Variants in PRKCA observed in about 807,000 individuals in gnomAD.
PRKCA encodes protein kinase C alpha.
In PRKCA, 27 loss-of-function variants were observed where a neutral mutation model predicts 87.0. The observed-to-expected ratio is 0.31, with a 90% CI of 0.23 to 0.43. PRKCA has a LOEUF of 0.43. Among genes scored for constraint, PRKCA ranks in the 20% least tolerant of loss-of-function variants. The pLI, the probability that PRKCA is intolerant of heterozygous loss-of-function variation, is 1.00. For missense variants in PRKCA, 518 were observed against 852.3 expected (o/e 0.61, Z 4.88); for synonymous variants, 329 against 311.1 (o/e 1.06, Z -0.61).
At chr17:66,552,947 C>T (rs899885520) in intron 3 of PRKCA, among the ~76,000 whole-genome samples, 1 of 152,028 alleles carries the variant, frequency 6.6e-6, no homozygotes, top group South Asian at 2.1e-4. Context: ...TAAATCTAGA[C>T]AGCTAGAAGA....
rs548616572 is a variant in PRKCA at position 66,628,112 on chromosome 17, G to T, written c.289-13243G>T. On this transcript the variant is annotated intron_variant, in intron 3 of 16. Coordinates refer to ENST00000413366, the MANE Select transcript of PRKCA (RefSeq NM_002737.3). Reference sequence around the variant, plus strand: ...ACTGGTTACTGGCAAGCTTATTCCAGCAGGCTCAGCAAGCGTCCAGCACAA... The same window carrying T: ...ACTGGTTACTGGCAAGCTTATTCCATCAGGCTCAGCAAGCGTCCAGCACAA... 3.3e-5 allele frequency among the ~76,000 whole-genome samples: 5 copies of T among 151,748 alleles called. No individual in the cohort carries two copies. The South Asian group carries it at 1.0e-3, about 32-fold the overall frequency.
intron 2 of PRKCA, among the ~76,000 whole-genome samples, chr17:66,399,854 C>G (rs1173516827): frequency 6.6e-6 from 1 of 152,084 alleles, no homozygotes; most frequent in East Asian, 1.9e-4. Context: ...TATCCCTTAT[C>G]TGAAATGCTT....
chr17:66,399,283 G>A (rs899576188), intron 2 of PRKCA, among the ~76,000 whole-genome samples: 1 of 151,654 alleles, frequency 6.6e-6, no homozygotes, highest in South Asian at 2.1e-4. Context: ...ATGGGATTTC[G>A]CCCCATTGTC....
chr17:66,671,760 T>C (rs183731925), intron 5 of PRKCA, among the ~76,000 whole-genome samples: 2 of 152,350 alleles, frequency 1.3e-5, no homozygotes, highest in Admixed American at 1.3e-4. Context: ...AGTCGGGGGC[T>C]TGTACCACTA....
intron 8 of PRKCA, among the ~76,000 whole-genome samples, chr17:66,731,758 C>A (rs889253073): frequency 6.9e-6 from 1 of 144,886 alleles, no homozygotes; most frequent in Non-Finnish European, 1.5e-5. Context: ...GCGCAAAGGG[C>A]GCCTTGTGCT....
intron 3 of PRKCA, among the ~76,000 whole-genome samples, chr17:66,604,307 A>G (rs1487433807): frequency 6.6e-6 from 1 of 152,152 alleles, no homozygotes; most frequent in African/African-American, 2.4e-5. Flanking sequence ...ATTTTCTTAA[A>G]CCTTTATGCA....
intron 2 of PRKCA, among the ~76,000 whole-genome samples, chr17:66,435,104 G>A (rs1029399658): frequency 3.3e-5 from 5 of 152,210 alleles, no homozygotes; most frequent in African/African-American, 1.2e-4. Flanking sequence ...TCAAATGCCA[G>A]GCTTTTACCA....
chr17:66,578,913 G>A (rs1050859377), intron 3 of PRKCA, among the ~76,000 whole-genome samples: 3 of 152,212 alleles, frequency 2.0e-5, no homozygotes, highest in Admixed American at 6.5e-5. Context: ...CGCGCAGCTC[G>A]CCAGGCAGGC....
intron 3 of PRKCA, among the ~76,000 whole-genome samples, chr17:66,508,381 T>C (rs555536368): frequency 6.6e-6 from 1 of 152,370 alleles, no homozygotes; most frequent in East Asian, 1.9e-4. Flanking sequence ...AACACTGCCG[T>C]TGGGCGTTGC....
In PRKCA at chr17:66,806,214, A is replaced by C. The variant is rs1391525231; in HGVS notation, c.*2177A>C. On this transcript the variant is annotated 3_prime_UTR_variant, in exon 17 of 17. Transcript: ENST00000413366. The stretch of plus-strand genomic sequence containing the variant: ...AGAAGCATCTCCCAGCTAAGCTCGC[A>C]TTATTTTTCTCCTCTGGCTGTTTGC... The C allele has an allele frequency of 6.6e-6, 1 of 152,284 alleles. No individual in the cohort carries two copies. The highest frequency in any genetic ancestry group is 1.5e-5 in the Non-Finnish European group (1 of 68,106). 9.4% of individuals were successfully genotyped at this position (152,284 alleles called of 1,614,324 possible). A position where few individuals can be genotyped will look rare whatever the true frequency, so the allele number is the denominator to read the frequency against.
At chr17:66,739,644 C>A (rs1467943179) in intron 11 of PRKCA, among the ~76,000 whole-genome samples, 2 of 152,086 alleles carry the variant, frequency 1.3e-5, no homozygotes, top group Non-Finnish European at 2.9e-5. Flanking sequence ...ACGAAATGAC[C>A]GGCTCAGAGG....
intron 3 of PRKCA, among the ~76,000 whole-genome samples, chr17:66,526,622 G>A (rs1487654075): frequency 2.6e-5 from 4 of 152,092 alleles, no homozygotes; most frequent in Admixed American, 2.0e-4. Flanking sequence ...GGGGCATGTC[G>A]TTACTTCTGT....
intron 14 of PRKCA, among the ~76,000 whole-genome samples, chr17:66,783,745 C>T (rs1423112773): frequency 1.3e-5 from 2 of 152,350 alleles, no homozygotes; most frequent in South Asian, 2.1e-4. Context: ...GGAAGCTCCA[C>T]CTGTGTTCCT....
intron 3 of PRKCA, among the ~76,000 whole-genome samples, chr17:66,502,948 C>T (rs1218443368): frequency 5.3e-5 from 8 of 152,168 alleles, no homozygotes; most frequent in African/African-American, 1.4e-4. Context: ...CATGAGCCAC[C>T]GCGCCCAGCG....
intron 13 of PRKCA, among the ~76,000 whole-genome samples, chr17:66,746,759 A>G (rs1467660374): frequency 6.6e-6 from 1 of 152,214 alleles, no homozygotes; most frequent in Non-Finnish European, 1.5e-5. Flanking sequence ...TAAAGCTGAC[A>G]CAGAGGGTCC....
intron 3 of PRKCA, among the ~76,000 whole-genome samples, chr17:66,505,201 T>C (rs1184123866): frequency 6.6e-6 from 1 of 152,180 alleles, no homozygotes; most frequent in Non-Finnish European, 1.5e-5. Flanking sequence ...TTGGACCAAA[T>C]TAATTTAGCC....
chr17:66,720,269 G>A (rs780638581), intron 8 of PRKCA, among the ~76,000 whole-genome samples: 3 of 152,186 alleles, frequency 2.0e-5, no homozygotes, highest in Non-Finnish European at 4.4e-5. Flanking sequence ...AACTGCAAAG[G>A]CCCTCAGGCG....
At chr17:66,308,430 T>G (rs964056156) in intron 2 of PRKCA, among the ~76,000 whole-genome samples, 1 of 152,162 alleles carries the variant, frequency 6.6e-6, no homozygotes, top group African/African-American at 2.4e-5. Flanking sequence ...CCATTTGTGT[T>G]GTGTGAATTG....
chr17:66,390,819 C>A (rs1247144803), intron 2 of PRKCA, among the ~76,000 whole-genome samples: 1 of 152,168 alleles, frequency 6.6e-6, no homozygotes, highest in Non-Finnish European at 1.5e-5. Flanking sequence ...GCAAACAGCT[C>A]CACCACCACA....
Sources: allele counts gnomAD v4.1 joint callset (sites outside exome capture counted in the v4.1 genomes callset), GRCh38; gene constraint gnomAD v4.1.1; transcripts MANE v1.5; gene names NCBI Gene and HGNC (gene_info 2026-07-23, HGNC 2026-07-21).